The following SHOX variants were observed in gnomAD, a reference collection of about 807,000 sequenced individuals.
SHOX encodes the protein SHOX homeobox, also known as short stature homeobox protein.
In SHOX, 12 loss-of-function variants were observed where a neutral mutation model predicts 29.6. The observed-to-expected ratio is 0.41, with a 90% CI of 0.26 to 0.66. The LOEUF is 0.66. SHOX is among the 30% of genes least tolerant of loss of function. The pLI is 0.35. For synonymous variants in SHOX, 214 were observed against 200.6 expected (o/e 1.07, Z -0.57); for missense variants, 499 against 437.7 (o/e 1.14, Z -1.25).
At position 634,671 on chromosome X, in the gene SHOX, G is replaced by A; in HGVS notation, c.331G>A (p.Gly111Arg). ...REDVKSEDED[G>R]QTKLKQRRSR... The stretch of plus-strand genomic sequence containing the variant: ...GGACGTGAAGTCGGAGGACGAGGAC[G>A]GGCAGACCAAGCTGAAACAGAGGCG... The change falls in exon 2 of 5, where the codon GGG becomes AGG. Residue 111 changes from glycine (G) to arginine (R), a missense_variant. Physicochemically the swap from Gly to Arg is moderately radical, Grantham distance 125. Transcript: ENST00000686671. 1.2e-6 allele frequency: 2 copies of A among 1,613,878 alleles called. No homozygotes were observed. Among genetic ancestry groups the A allele is most frequent in the East Asian group, 4.5e-5 (2 of 44,882 alleles).
chrX:644,412 G>C lies in SHOX; in HGVS notation c.655G>C (p.Glu219Gln). ...GCAGGTCCAGGCTCAGCTGCAGCTGGAAGGCGTGGCCCACGCGCACCCGCA... is the reference window on the plus strand; with the variant it reads ...GCAGGTCCAGGCTCAGCTGCAGCTGCAAGGCGTGGCCCACGCGCACCCGCA... ...FQQVQAQLQL[E>Q]GVAHAHPHLH... Residue 219 changes from glutamate (E) to glutamine (Q), a missense_variant, in exon 5 of 5, where the codon GAA (glutamate) becomes CAA (glutamine). Coordinates refer to ENST00000686671, the MANE Select transcript of SHOX (RefSeq NM_000451.4). 6.6e-7 allele frequency: 1 copy of C among 1,522,374 alleles called. No individual in the cohort carries two copies. The highest frequency in any genetic ancestry group is 8.8e-7 in the Non-Finnish European group (1 of 1,142,580). 94.3% of individuals were successfully genotyped at this position (1,522,374 alleles called of 1,614,324 possible). A position where few individuals can be genotyped will look rare whatever the true frequency, so the allele number is the denominator to read the frequency against.
At chrX:656,883 A>G (rs1486124213) in intron 5 of SHOX, among the ~76,000 whole-genome samples, 1 of 117,282 alleles carries the variant, frequency 8.5e-6, no homozygotes, top group East Asian at 2.6e-4. Context: ...CTGTGTTTGC[A>G]CCACTGCCCT....
upstream of SHOX, among the ~76,000 whole-genome samples, chrX:626,757 TCTC>T (rs2052545562): frequency 6.6e-6 from 1 of 151,496 alleles, no homozygotes; most frequent in Non-Finnish European, 1.5e-5. Context: ...TCTACCTCTG[TCTC>T]TCTTTCTCTC....
Position 644,523 on chromosome X carries a change from T to TCCGCCTCGGCCG in SHOX, c.772_783dup (p.Ser258_Ala261dup). On this transcript the variant is annotated inframe_insertion, in exon 5 of 5. Transcript: ENST00000686671. ...GCTGCCCATCGCGTCGCTGGCCGAGTCCGCCTCGGCCGCCGCCGTGGTCGC... is the reference window on the plus strand; with the variant it reads ...GCTGCCCATCGCGTCGCTGGCCGAGTCCGCCTCGGCCGCCGCCTCGGCCGCCGCCGTGGTCGC... 6.6e-7 allele frequency: 1 copy of TCCGCCTCGGCCG among 1,518,544 alleles called. No individual in the cohort carries two copies. The highest frequency in any genetic ancestry group is 1.2e-5 in the South Asian group (1 of 82,200). 94.1% of individuals were successfully genotyped at this position (1,518,544 alleles called of 1,614,324 possible).
intron 1 of SHOX, among the ~76,000 whole-genome samples, chrX:633,374 C>T (rs2052681958): frequency 6.6e-6 from 1 of 150,936 alleles, no homozygotes; most frequent in Admixed American, 6.6e-5. Context: ...AAACGATTCA[C>T]TTGGGGGGAA....
At chrX:656,555 C>T (rs28882396), downstream of SHOX, among the ~76,000 whole-genome samples, 72,766 of 151,500 alleles carry the variant, frequency 0.48, 18,414 homozygotes, top group Middle Eastern at 0.59. Context: ...AAAAATAAAA[C>T]ATTTAGTCAG....
Position 651,340 on chromosome X carries a change from G to C in SHOX, c.*6704G>C. The C allele has an allele frequency of 2.2e-6, 1 of 455,056 alleles. No homozygotes were observed. The highest frequency in any genetic ancestry group is 4.4e-6 in the Non-Finnish European group (1 of 226,704). 28.2% of individuals were successfully genotyped at this position (455,056 alleles called of 1,614,324 possible). ...TCACACACCGTTTCCCAAACCAACA[G>C]TCTTCACATTTCTATCCCTCTGTTA... On this transcript the variant is annotated 3_prime_UTR_variant, in exon 5 of 5. Coordinates refer to ENST00000686671, the MANE Select transcript of SHOX (RefSeq NM_000451.4).
rs2124213091 is a variant in SHOX at position 651,531 on chromosome X, T to C, written c.*6895T>C. ...ACTGTATTTTTGTGACGCCCCGTAG[T>C]ATGAATGTACATCTTGTAAAACTGA... On this transcript the variant is annotated 3_prime_UTR_variant, in exon 5 of 5. Transcript: ENST00000686671. The C allele has an allele frequency of 7.9e-6, 3 of 380,810 alleles. No individual in the cohort carries two copies. In the East Asian group the frequency reaches 2.2e-4, roughly 28 times the overall value. The allele number at this position is 380,810 out of a possible 1,614,324, so 23.6% of individuals were successfully genotyped here.
At position 659,083 on chromosome X, in the gene SHOX, ATT is replaced by A. The variant is rs532613188; in HGVS notation, c.*269_*270del. 1.4e-3 allele frequency: 205 copies of A among 144,906 alleles called. 1 individual carries two copies. The highest frequency in any genetic ancestry group is 7.0e-3 in the Middle Eastern group (2 of 286). The allele number at this position is 144,906 out of a possible 1,614,324, so 9.0% of individuals were successfully genotyped here. A position where few individuals can be genotyped will look rare whatever the true frequency, so the allele number is the denominator to read the frequency against. ...CCCGGCCTTTGTAACTTTATTTTTA[ATT>A]TTTTTTTTTTTTTTAAGAAAGACAG... On this transcript the variant is annotated 3_prime_UTR_variant, in exon 6 of 6. Coordinates refer to the SHOX transcript ENST00000334060.
Position 631,003 on chromosome X carries a change from C to T in SHOX, c.106C>T (p.Arg36Trp), listed in dbSNP as rs757408441. ...GGGKKDSITY[R>W]EVLESGLARS... ...AGGTAAGAAGGATTCCATTACGTAC[C>T]GGGAAGTTTTGGAGAGCGGACTGGC... Residue 36 changes from arginine (R) to tryptophan (W), a missense_variant, in exon 1 of 5, where the codon CGG (arginine) becomes TGG (tryptophan). By Grantham distance (101) the Arg-to-Trp change is moderately radical (BLOSUM62 -3). Coordinates refer to ENST00000686671, the MANE Select transcript of SHOX (RefSeq NM_000451.4). 4 of 1,613,840 alleles carry T rather than the reference C, an allele frequency of 2.5e-6. No individual in the cohort carries two copies. The South Asian group carries it at 3.3e-5, about 13-fold the overall frequency.
rs757315099 is a variant in SHOX, at chrX:656,735, C to T, written c.634-2050C>T. ...GCGGGCGCCTGTAGTCCCAGCTACTCAGGAGGCTGAGGCAGGAGAATGCCG... is the reference window on the plus strand; with the variant it reads ...GCGGGCGCCTGTAGTCCCAGCTACTTAGGAGGCTGAGGCAGGAGAATGCCG... On this transcript the variant is annotated intron_variant, in intron 5 of 5. Transcript: ENST00000334060. Among the ~76,000 whole-genome samples the T allele has an allele frequency of 1.3e-4, 19 of 151,200 alleles. No homozygotes were observed. The East Asian group carries it at 3.4e-3, about 27-fold the overall frequency.
chrX:637,039 G>C (rs28693013), intron 2 of SHOX, among the ~76,000 whole-genome samples: 121,896 of 149,920 alleles, frequency 0.81, 50,409 homozygotes, highest in East Asian at 0.97. Flanking sequence ...AAGATCGTTA[G>C]GATTAAATCA....
intron 2 of SHOX, among the ~76,000 whole-genome samples, chrX:637,719 C>T (rs924159450): frequency 6.6e-6 from 1 of 152,030 alleles, no homozygotes; most frequent in Non-Finnish European, 1.5e-5. Flanking sequence ...GGGACGGGGA[C>T]GAGCAGGGAC....
At chrX:644,370 C>A in intron 4 of SHOX, 21 bp from the exon 5 acceptor site, 2 of 1,516,228 alleles carry the variant, frequency 1.3e-6, no homozygotes, top group South Asian at 1.2e-5. Flanking sequence ...CGCCCTCACC[C>A]CGCCGGGTCC....
At chrX:626,193 CCTCT>C (rs1271852783), upstream of SHOX, among the ~76,000 whole-genome samples, 3 of 122,812 alleles carry the variant, frequency 2.4e-5, no homozygotes, top group East Asian at 2.4e-4. Context: ...TGTCTTCGTT[CCTCT>C]CTCTCTTTTT....
chrX:633,351 G>A (rs1253693124), intron 1 of SHOX, among the ~76,000 whole-genome samples: 5 of 152,072 alleles, frequency 3.3e-5, no homozygotes, highest in Non-Finnish European at 7.3e-5. Context: ...GGAGAGCTGG[G>A]GTCGTCTCCA....
chrX:650,292 G>A lies in SHOX; in HGVS notation c.*5656G>A, dbSNP rs1225994027. Reference sequence around the variant, plus strand: ...TCCCGTACGGGAAGGAGGCCTTTGGGCCGCTCCAAAGACGCCCTGTCGTAG... The same window carrying A: ...TCCCGTACGGGAAGGAGGCCTTTGGACCGCTCCAAAGACGCCCTGTCGTAG... On this transcript the variant is annotated 3_prime_UTR_variant, in exon 5 of 5. Coordinates refer to ENST00000686671, the MANE Select transcript of SHOX (RefSeq NM_000451.4). 6.6e-6 allele frequency among the ~76,000 whole-genome samples: 1 copy of A among 152,146 alleles called. No homozygotes were observed. Among genetic ancestry groups the A allele is most frequent in the Non-Finnish European group, 1.5e-5 (1 of 68,038 alleles).
intron 4 of SHOX, among the ~76,000 whole-genome samples, chrX:641,999 T>C (rs1177874094): frequency 6.6e-6 from 1 of 152,184 alleles, no homozygotes; most frequent in African/African-American, 2.4e-5. Context: ...GCTCCCCACT[T>C]ACTTTGGAGT....
At chrX:640,749 G>A (rs2052838996) in intron 2 of SHOX, 72 bp from the exon 3 acceptor site, 1 of 1,562,466 alleles carries the variant, frequency 6.4e-7, no homozygotes, top group Non-Finnish European at 8.8e-7. Flanking sequence ...CAGCCTCATG[G>A]GAAGGATGCT....
Sources: gnomAD v4.1 joint callset for allele counts (sites outside exome capture counted in the v4.1 genomes callset) on GRCh38, gnomAD v4.1.1 for gene constraint, MANE v1.5 for transcripts, NCBI Gene and HGNC (gene_info 2026-07-23, HGNC 2026-07-21) for gene names.